Variants in BCLAF3 observed in about 807,000 individuals in gnomAD.
The protein encoded by BCLAF3 is transient octamer binding factor 1.
Under a neutral mutation model 51.2 loss-of-function variants are expected in BCLAF3, and 24 were observed. The observed-to-expected ratio is 0.47, with a 90% CI of 0.34 to 0.66. The LOEUF is 0.66. BCLAF3 is among the 30% of genes least tolerant of loss of function. The pLI, the probability that BCLAF3 is intolerant of heterozygous loss-of-function variation, is 0.01. For synonymous variants in BCLAF3, 152 were observed against 176.6 expected (o/e 0.86, Z 1.10); for missense variants, 465 against 525.1 (o/e 0.89, Z 1.12).
chrX:19,982,381 G>C (rs759819159), intron 1 of BCLAF3, among the ~76,000 whole-genome samples: 1 of 111,524 alleles, frequency 9.0e-6, no homozygotes, highest in African/African-American at 3.3e-5. Context: ...CAGTAGAATA[G>C]TGAGAAGGGG....
intron 11 of BCLAF3, among the ~76,000 whole-genome samples, chrX:19,919,522 G>C (rs1445168051): frequency 9.1e-6 from 1 of 109,877 alleles, no homozygotes; most frequent in East Asian, 2.9e-4. Context: ...ACTCCAGCCT[G>C]GGCAATAACA....
At chrX:19,940,731 A>C (rs1342966113) in intron 8 of BCLAF3, among the ~76,000 whole-genome samples, 4 of 107,807 alleles carry the variant, frequency 3.7e-5, no homozygotes, top group South Asian at 4.1e-4. Context: ...CAATAAACAT[A>C]CGTGTGCATG....
chrX:19,982,555 AC>A (rs2072648275), intron 1 of BCLAF3, among the ~76,000 whole-genome samples: 1 of 61,390 alleles, frequency 1.6e-5, no homozygotes, highest in African/African-American at 2.6e-4. Context: ...AATTTCACAC[AC>A]ACACACACAC....
chrX:19,938,994 G>A (rs1192169941), intron 8 of BCLAF3, among the ~76,000 whole-genome samples: 1 of 112,079 alleles, frequency 8.9e-6, no homozygotes, highest in Non-Finnish European at 1.9e-5. Context: ...AGGAAGCAAT[G>A]TGGATGATTC....
At chrX:19,949,653 C>G (rs191284430) in intron 8 of BCLAF3, among the ~76,000 whole-genome samples, 5 of 112,272 alleles carry the variant, frequency 4.5e-5, no homozygotes, top group African/African-American at 1.6e-4. Flanking sequence ...TACCTCAACA[C>G]ATCGTTTCAC....
Position 19,916,492 on chromosome X carries a change from T to C in BCLAF3, c.*813A>G, listed in dbSNP as rs2069940406. The C allele has an allele frequency of 1.8e-5, 2 of 112,671 alleles. No individual in the cohort carries two copies. Among genetic ancestry groups the C allele is most frequent in the Admixed American group, 1.9e-4 (2 of 10,555 alleles). 9.3% of individuals were successfully genotyped at this position (112,671 alleles called of 1,213,427 possible). On this transcript the variant is annotated 3_prime_UTR_variant, in exon 12 of 12. Transcript: ENST00000379682. ...CTATAAGATGTGCTTGCAAAATGTG[T>C]AATGCTGTAGTAGTAAAGTACAATT...
At chrX:19,945,559 G>T (rs2071243259) in intron 8 of BCLAF3, among the ~76,000 whole-genome samples, 1 of 81,620 alleles carries the variant, frequency 1.2e-5, no homozygotes, top group Non-Finnish European at 2.1e-5. Context: ...TGCCCCTGCT[G>T]GGGGGTGCCT....
At chrX:19,949,131 G>C (rs2071399164) in intron 8 of BCLAF3, among the ~76,000 whole-genome samples, 1 of 111,475 alleles carries the variant, frequency 9.0e-6, no homozygotes, top group Admixed American at 9.5e-5. Flanking sequence ...ACAGCTTGTA[G>C]GAACACATCC....
At chrX:19,968,066 G>A (rs1246931349) in intron 2 of BCLAF3, among the ~76,000 whole-genome samples, 1 of 112,706 alleles carries the variant, frequency 8.9e-6, no homozygotes, top group African/African-American at 3.2e-5. Flanking sequence ...AGGTCTTGCA[G>A]TCTGGATGGA....
chrX:19,927,345 A>T lies in BCLAF3; in HGVS notation c.2106+2440T>A, dbSNP rs958772226. Among the ~76,000 whole-genome samples the T allele has an allele frequency of 3.6e-5, 4 of 112,058 alleles. No individual in the cohort carries two copies. The Admixed American group carries it at 3.8e-4, about 11-fold the overall frequency. On this transcript the variant is annotated intron_variant, in intron 11 of 11. Coordinates refer to ENST00000379682, the MANE Select transcript of BCLAF3 (RefSeq NM_001367774.2). ...ACTGGGGTTGTATGTGTGACATAAG[A>T]TATTCTATTTAACTCTAAAACATAA...
At chrX:19,982,813 C>A (rs1392526512) in intron 1 of BCLAF3, among the ~76,000 whole-genome samples, 1 of 110,665 alleles carries the variant, frequency 9.0e-6, no homozygotes, top group Non-Finnish European at 1.9e-5. Context: ...GATTTGAGGT[C>A]AAATTTTTCA....
intron 8 of BCLAF3, among the ~76,000 whole-genome samples, chrX:19,941,437 T>C (rs1304650191): frequency 2.0e-5 from 2 of 102,043 alleles, no homozygotes; most frequent in Non-Finnish European, 3.9e-5. Context: ...CCATCTTGAA[T>C]TGATTTTTGT....
rs893002857 is a variant in BCLAF3, at chrX:19,915,008, CTG to C, written c.*2295_*2296del. ...TGCATGAGCTTCCTCACAGCAGGGA[CTG>C]TGTCTTATTATCTTTGTCTTCCCAG... On this transcript the variant is annotated 3_prime_UTR_variant, in exon 12 of 12. Coordinates refer to ENST00000379682, the MANE Select transcript of BCLAF3 (RefSeq NM_001367774.2). The C allele has an allele frequency of 9.1e-6, 1 of 110,216 alleles. No homozygotes were observed. The highest frequency in any genetic ancestry group is 1.9e-5 in the Non-Finnish European group (1 of 52,870). The allele number at this position is 110,216 out of a possible 1,213,427, so 9.1% of individuals were successfully genotyped here. A position where few individuals can be genotyped will look rare whatever the true frequency, so the allele number is the denominator to read the frequency against.
intron 8 of BCLAF3, among the ~76,000 whole-genome samples, chrX:19,941,789 T>C (rs1366751813): frequency 2.1e-5 from 2 of 95,855 alleles, no homozygotes; most frequent in Non-Finnish European, 2.1e-5. Context: ...TTTAAAGTAG[T>C]TTTTTCCAAT....
chrX:19,986,371 G>A (rs1036987481), intron 1 of BCLAF3, among the ~76,000 whole-genome samples: 10 of 112,199 alleles, frequency 8.9e-5, no homozygotes, highest in Non-Finnish European at 1.5e-4. Flanking sequence ...TGGTTTCACA[G>A]GGAATTCTAC....
chrX:19,958,390 G>A (rs954846461), intron 4 of BCLAF3, among the ~76,000 whole-genome samples: 9 of 111,753 alleles, frequency 8.1e-5, no homozygotes, highest in African/African-American at 2.6e-4. Context: ...ATCAAAATCC[G>A]TACGACACAT....
chrX:19,979,307 C>A (rs1466934151), intron 1 of BCLAF3, among the ~76,000 whole-genome samples: 2 of 110,931 alleles, frequency 1.8e-5, no homozygotes, highest in Non-Finnish European at 3.8e-5. Context: ...CAACAACCAA[C>A]CCCTGATCAG....
At chrX:19,966,688 C>T in intron 2 of BCLAF3, 39 bp from the exon 3 acceptor site, 1 of 1,120,379 alleles carries the variant, frequency 8.9e-7, no homozygotes, top group Non-Finnish European at 1.2e-6. Context: ...ACCATTTAAT[C>T]AACTAAGCGT....
intron 1 of BCLAF3, among the ~76,000 whole-genome samples, chrX:19,978,380 C>A (rs2072499009): frequency 9.0e-6 from 1 of 111,365 alleles, no homozygotes; most frequent in Non-Finnish European, 1.9e-5. Context: ...TTGATTCCAA[C>A]TCTCACGGAT....
Sources: allele counts gnomAD v4.1 joint callset (sites outside exome capture counted in the v4.1 genomes callset), GRCh38; gene constraint gnomAD v4.1.1; transcripts MANE v1.5; gene names NCBI Gene and HGNC (gene_info 2026-07-23, HGNC 2026-07-21).